The following SLC24A1 variants were observed in gnomAD, a reference collection of about 807,000 sequenced individuals.
The protein encoded by SLC24A1 is sodium/potassium/calcium exchanger 1.
Under a neutral mutation model 88.1 loss-of-function variants are expected in SLC24A1, and 52 were observed. That is an observed-to-expected ratio of 0.59 (90% CI 0.47 to 0.74). The LOEUF is 0.74. SLC24A1 is among the 30% of genes least tolerant of loss of function. The pLI, the probability that SLC24A1 is intolerant of heterozygous loss-of-function variation, is 0.00. For missense variants in SLC24A1, 1,173 were observed against 1,363.3 expected, an observed-to-expected ratio of 0.86 and a Z score of 2.20; for synonymous variants, 455 against 498.0, an observed-to-expected ratio of 0.91 and a Z score of 1.15.
downstream of SLC24A1, among the ~76,000 whole-genome samples, chr15:65,656,899 C>T (rs1368481963): frequency 1.3e-5 from 2 of 152,214 alleles, no homozygotes; most frequent in Non-Finnish European, 1.5e-5. Flanking sequence ...GAGACGGGGC[C>T]TTGCCCTGTC....
At chr15:65,630,523 A>C (rs1397535973) in intron 2 of SLC24A1, among the ~76,000 whole-genome samples, 1 of 152,132 alleles carries the variant, frequency 6.6e-6, no homozygotes, top group East Asian at 1.9e-4. Context: ...ACTAGACTCC[A>C]GGGAACTCAC....
At chr15:65,630,281 C>T (rs1469709317) in intron 2 of SLC24A1, among the ~76,000 whole-genome samples, 1 of 152,182 alleles carries the variant, frequency 6.6e-6, no homozygotes, top group Admixed American at 6.5e-5. Context: ...TGAGCCACCA[C>T]CACGCCTGGT....
In SLC24A1 at chr15:65,654,794, C is replaced by T; in HGVS notation, c.*715C>T. 1.9e-6 allele frequency: 2 copies of T among 1,045,762 alleles called. No homozygotes were observed. The highest frequency in any genetic ancestry group is 2.6e-6 in the Non-Finnish European group (2 of 782,050). The allele number at this position is 1,045,762 out of a possible 1,614,324, so 64.8% of individuals were successfully genotyped here. ...GATCTCGGCACACCACAACCTTCAC[C>T]TCCCCGGTTCAAGCAATTCTCCTGC... On this transcript the variant is annotated 3_prime_UTR_variant, in exon 10 of 10. Coordinates refer to ENST00000261892, the MANE Select transcript of SLC24A1 (RefSeq NM_004727.3).
downstream of SLC24A1, chr15:65,660,290 G>A (rs963894420): frequency 2.6e-6 from 4 of 1,535,262 alleles, no homozygotes; most frequent in African/African-American, 4.1e-5. Flanking sequence ...GTTGGAAGCT[G>A]TGAAATGTTT....
intron 3 of SLC24A1, 73 bp from the exon 4 acceptor site, chr15:65,639,522 G>A: frequency 1.1e-6 from 1 of 895,970 alleles, no homozygotes; most frequent in Non-Finnish European, 1.8e-6. Flanking sequence ...AAGAGGCAAG[G>A]TTAGTGATGC....
chr15:65,623,128 ATAT>A (rs978849910), intron 1 of SLC24A1, among the ~76,000 whole-genome samples: 87 of 152,336 alleles, frequency 5.7e-4, no homozygotes, highest in African/African-American at 2.0e-3. Context: ...TAAATTAAAA[ATAT>A]TATAACATGC....
At chr15:65,620,436 A>G (rs1416841626), upstream of SLC24A1, among the ~76,000 whole-genome samples, 1 of 152,230 alleles carries the variant, frequency 6.6e-6, no homozygotes, top group African/African-American at 2.4e-5. Context: ...CAAACAGGTA[A>G]TGTCATTATC....
chr15:65,660,191 T>A, downstream of SLC24A1: 1 of 879,470 alleles, frequency 1.1e-6, no homozygotes, highest in Non-Finnish European at 1.8e-6. Flanking sequence ...CAGATATATG[T>A]GCCTAGCACC....
At chr15:65,627,734 C>G (rs2074569007) in intron 2 of SLC24A1, among the ~76,000 whole-genome samples, 1 of 152,208 alleles carries the variant, frequency 6.6e-6, no homozygotes, top group African/African-American at 2.4e-5. Context: ...TTCCAAAGTG[C>G]CTCTGACTTG....
At chr15:65,627,423 A>G (rs1228674798) in intron 2 of SLC24A1, among the ~76,000 whole-genome samples, 1 of 152,228 alleles carries the variant, frequency 6.6e-6, no homozygotes. Context: ...AGATGATCCA[A>G]AAAAGGAAAT....
In SLC24A1 at chr15:65,653,879, G is replaced by C. The variant is rs1384311106; in HGVS notation, c.3100G>C (p.Val1034Leu). The C allele has an allele frequency of 6.2e-7, 1 of 1,613,726 alleles. No homozygotes were observed. The highest frequency in any genetic ancestry group is 8.5e-7 in the Non-Finnish European group (1 of 1,179,746). The change falls in exon 10 of 10, where the codon GTT becomes CTT. Residue 1034 changes from valine (V) to leucine (L), a missense_variant. Coordinates refer to ENST00000261892, the MANE Select transcript of SLC24A1 (RefSeq NM_004727.3). ...CTCTCTTATCAATGGATTACAGCCA[G>C]TTCCAGTCAGCAGCAATGGCTTGTT... ...LFSLINGLQPVPVSSNGLFCA... is the reference protein window; with the variant it reads ...LFSLINGLQPLPVSSNGLFCA...
At chr15:65,648,000 C>T (rs112489579) in intron 6 of SLC24A1, among the ~76,000 whole-genome samples, 9,545 of 152,232 alleles carry the variant, frequency 0.063, 312 homozygotes, top group African/African-American at 0.091. Context: ...GTGGCTCACG[C>T]CTGTAATCCC....
At chr15:65,629,681 G>A (rs951558036) in intron 2 of SLC24A1, among the ~76,000 whole-genome samples, 1 of 152,200 alleles carries the variant, frequency 6.6e-6, no homozygotes, top group Non-Finnish European at 1.5e-5. Context: ...AAGCAGAGGC[G>A]CTAGGCTGGC....
chr15:65,631,261 G>C (rs1404665179), intron 2 of SLC24A1, among the ~76,000 whole-genome samples: 3 of 152,180 alleles, frequency 2.0e-5, no homozygotes, highest in Non-Finnish European at 2.9e-5. Flanking sequence ...ACAAAGAACA[G>C]CATAATTTCT....
At position 65,651,659 on chromosome 15, in the gene SLC24A1, C is replaced by A. The variant is rs879718216; in HGVS notation, c.2794-11C>A. On this transcript the variant is annotated splice_polypyrimidine_tract_variant and intron_variant, in intron 7 of 9. Transcript: ENST00000261892. ...CAGCTTACTTCTTGTCCTTTTCAAA[C>A]TTTCAAACAGGAGTCTAGGAAGTTT... is the stretch of plus-strand genomic sequence containing the variant. 3.9e-5 allele frequency: 59 copies of A among 1,507,208 alleles called. No individual in the cohort carries two copies. Among genetic ancestry groups the A allele is most frequent in the Non-Finnish European group, 5.3e-5 (58 of 1,084,462 alleles). 93.4% of individuals were successfully genotyped at this position (1,507,208 alleles called of 1,614,324 possible).
At position 65,647,843 on chromosome 15, in the gene SLC24A1, T is replaced by C. The variant is rs115532842; in HGVS notation, c.2232+2140T>C. 2.9e-3 allele frequency among the ~76,000 whole-genome samples: 435 copies of C among 152,250 alleles called. 2 individuals are homozygous for C. Among genetic ancestry groups the C allele is most frequent in the African/African-American group, 0.01 (417 of 41,534 alleles). Reference sequence around the variant, plus strand: ...TCATCAGTAGTATTTGTTGTCTTCATTGGGGGTTCTCAACCCTGGTTGCAT... The same window carrying C: ...TCATCAGTAGTATTTGTTGTCTTCACTGGGGGTTCTCAACCCTGGTTGCAT... On this transcript the variant is annotated intron_variant, in intron 6 of 9. Coordinates refer to ENST00000261892, the MANE Select transcript of SLC24A1 (RefSeq NM_004727.3).
At chr15:65,639,540 TG>T (rs2075050962) in intron 3 of SLC24A1, 54 bp from the exon 4 acceptor site, 1 of 1,112,432 alleles carries the variant, frequency 9.0e-7, no homozygotes, top group East Asian at 2.5e-5. Flanking sequence ...TGCCCTCGTG[TG>T]GTTCCTCCCC....
At chr15:65,612,956 G>T (rs2074014044) in intron 2 of SLC24A1, among the ~76,000 whole-genome samples, 1 of 152,172 alleles carries the variant, frequency 6.6e-6, no homozygotes, top group Admixed American at 6.5e-5. Flanking sequence ...GTTACTTAGG[G>T]CAACTAGTTT....
At chr15:65,657,503 C>T (rs556537691), downstream of SLC24A1, among the ~76,000 whole-genome samples, 20 of 152,170 alleles carry the variant, frequency 1.3e-4, 1 homozygote, top group African/African-American at 4.8e-4. Context: ...ATTAGCCGGG[C>T]GAGGTGGCAG....
Sources: gnomAD v4.1 joint callset for allele counts (sites outside exome capture counted in the v4.1 genomes callset) on GRCh38, gnomAD v4.1.1 for gene constraint, MANE v1.5 for transcripts, NCBI Gene and HGNC (gene_info 2026-07-23, HGNC 2026-07-21) for gene names.